CCBE1: variants seen among roughly 807,000 people sequenced by gnomAD.
CCBE1 encodes collagen and calcium-binding EGF domain-containing protein 1.
CCBE1 carries 37 observed loss-of-function variants against 50.0 expected under a neutral mutation model. The observed-to-expected ratio is 0.74, with a 90% CI of 0.57 to 0.97. The LOEUF is 0.97. CCBE1 is among the 50% of genes least tolerant of loss of function. The probability of loss-of-function intolerance (pLI) is 0.00; values close to 1 mark genes in which losing one functional copy is unlikely to be tolerated. For missense variants in CCBE1, 538 were observed against 523.8 expected, an observed-to-expected ratio of 1.03 and a Z score of -0.26; for synonymous variants, 234 against 203.7, an observed-to-expected ratio of 1.15 and a Z score of -1.27.
rs1241914496 is a variant in CCBE1 at position 59,519,476 on chromosome 18, C to A, written c.213-39238G>T. Among the ~76,000 whole-genome samples, 5 of 152,022 alleles carry A rather than the reference C, an allele frequency of 3.3e-5. No homozygotes were observed. The East Asian group carries it at 9.7e-4, about 29-fold the overall frequency. On this transcript the variant is annotated intron_variant, in intron 2 of 10. Coordinates refer to ENST00000439986, the MANE Select transcript of CCBE1 (RefSeq NM_133459.4). ...TGAGCTAGAAAATTGTATCCTGCCA[C>A]AAACATATGGCTTTCCAGAGTCTTT...
At chr18:59,682,337 C>A (rs1343474334) in intron 2 of CCBE1, among the ~76,000 whole-genome samples, 2 of 152,160 alleles carry the variant, frequency 1.3e-5, no homozygotes, top group Non-Finnish European at 2.9e-5. Context: ...TGCACTCCAG[C>A]CTGGCGACAG....
chr18:59,481,880 A>T (rs915519323), intron 2 of CCBE1, among the ~76,000 whole-genome samples: 1 of 152,248 alleles, frequency 6.6e-6, no homozygotes, highest in Non-Finnish European at 1.5e-5. Flanking sequence ...CATTATAAAC[A>T]GTAAATATCT....
intron 2 of CCBE1, among the ~76,000 whole-genome samples, chr18:59,641,593 A>C (rs1166404699): frequency 6.6e-6 from 1 of 152,186 alleles, no homozygotes; most frequent in Non-Finnish European, 1.5e-5. Context: ...GTACCCCTGA[A>C]CCTAAGTTAG....
At chr18:59,588,401 A>G (rs1372816662) in intron 2 of CCBE1, among the ~76,000 whole-genome samples, 1 of 152,124 alleles carries the variant, frequency 6.6e-6, no homozygotes, top group Non-Finnish European at 1.5e-5. Context: ...ATCTCATTAT[A>G]AAGAAAGAAA....
chr18:59,625,090 A>G (rs541055784), intron 2 of CCBE1, among the ~76,000 whole-genome samples: 29 of 152,346 alleles, frequency 1.9e-4, no homozygotes, highest in Middle Eastern at 3.4e-3. Flanking sequence ...ATGGAAACCA[A>G]AATCCCCTGC....
At chr18:59,471,027 C>T (rs946545774) in intron 3 of CCBE1, among the ~76,000 whole-genome samples, 2 of 152,240 alleles carry the variant, frequency 1.3e-5, no homozygotes, top group Non-Finnish European at 2.9e-5. Flanking sequence ...CCCCACTTGG[C>T]ATCGCCTCTA....
intron 2 of CCBE1, among the ~76,000 whole-genome samples, chr18:59,674,670 A>G (rs967840070): frequency 3.3e-5 from 5 of 152,234 alleles, no homozygotes; most frequent in Non-Finnish European, 7.3e-5. Flanking sequence ...TTTGAGCACA[A>G]CCAAAATTAA....
At chr18:59,587,465 G>A (rs190169320) in intron 2 of CCBE1, among the ~76,000 whole-genome samples, 1 of 152,164 alleles carries the variant, frequency 6.6e-6, no homozygotes, top group Non-Finnish European at 1.5e-5. Flanking sequence ...TACCAAACCA[G>A]GAATAGAAGA....
At chr18:59,644,533 T>A (rs534766400) in intron 2 of CCBE1, among the ~76,000 whole-genome samples, 1 of 152,368 alleles carries the variant, frequency 6.6e-6, no homozygotes, top group East Asian at 1.9e-4. Context: ...CCAGTCACAC[T>A]TACCATTACT....
chr18:59,522,165 A>G (rs114855994), intron 2 of CCBE1, among the ~76,000 whole-genome samples: 2,929 of 148,236 alleles, frequency 0.02, 84 homozygotes, highest in African/African-American at 0.068. Context: ...CTAAATTTCT[A>G]TGCTAATACA....
chr18:59,510,718 G>A (rs112901302), intron 2 of CCBE1, among the ~76,000 whole-genome samples: 4,357 of 152,158 alleles, frequency 0.029, 177 homozygotes, highest in African/African-American at 0.094. Flanking sequence ...CACCACACCC[G>A]GCCAGTTGCC....
At chr18:59,512,211 A>G (rs1914162196) in intron 2 of CCBE1, among the ~76,000 whole-genome samples, 2 of 152,314 alleles carry the variant, frequency 1.3e-5, no homozygotes, top group South Asian at 2.1e-4. Context: ...GTCCCTGGCT[A>G]GGGCTCCATC....
chr18:59,623,748 C>A (rs531415129), intron 2 of CCBE1, among the ~76,000 whole-genome samples: 2 of 152,214 alleles, frequency 1.3e-5, no homozygotes, highest in East Asian at 3.9e-4. Flanking sequence ...GGCGCATCTA[C>A]CAGCAACAGA....
intron 7 of CCBE1, among the ~76,000 whole-genome samples, chr18:59,440,898 G>C (rs1910391396): frequency 6.6e-6 from 1 of 152,152 alleles, no homozygotes; most frequent in Non-Finnish European, 1.5e-5. Flanking sequence ...CTGTGGCACA[G>C]GTGTGTGTGT....
intron 2 of CCBE1, among the ~76,000 whole-genome samples, chr18:59,553,203 C>T (rs1481966454): frequency 7.0e-6 from 1 of 142,160 alleles, no homozygotes; most frequent in Non-Finnish European, 1.5e-5. Context: ...AGCCAGTCTA[C>T]CCTGGAGAAA....
At chr18:59,499,931 A>AT (rs549399809) in intron 2 of CCBE1, among the ~76,000 whole-genome samples, 48 of 152,180 alleles carry the variant, frequency 3.2e-4, no homozygotes, top group Non-Finnish European at 6.8e-4. Context: ...TTAGGCCAGT[A>AT]TCTTCCTAGG....
chr18:59,546,305 C>T (rs187018795), intron 2 of CCBE1, among the ~76,000 whole-genome samples: 15 of 152,338 alleles, frequency 9.8e-5, no homozygotes, highest in East Asian at 1.9e-4. Flanking sequence ...GACTGTTACA[C>T]GGGGGCTTCC....
chr18:59,685,608 G>T (rs1236056220), intron 2 of CCBE1, among the ~76,000 whole-genome samples: 1 of 152,336 alleles, frequency 6.6e-6, no homozygotes, highest in East Asian at 1.9e-4. Flanking sequence ...AGAAATTCCT[G>T]GTGCCTGGCA....
chr18:59,512,755 G>A (rs1471525589), intron 2 of CCBE1, among the ~76,000 whole-genome samples: 1 of 152,178 alleles, frequency 6.6e-6, no homozygotes, highest in African/African-American at 2.4e-5. Context: ...GAGGAAAAGG[G>A]TATTATTGAG....
Sources: allele counts gnomAD v4.1 joint callset (sites outside exome capture counted in the v4.1 genomes callset), GRCh38; gene constraint gnomAD v4.1.1; transcripts MANE v1.5; gene names NCBI Gene and HGNC (gene_info 2026-07-23, HGNC 2026-07-21).